The following SAMMSON variants were observed in gnomAD, a reference collection of about 807,000 sequenced individuals.
SAMMSON encodes the protein long intergenic non-protein coding RNA 1212.
intron 4 of SAMMSON, among the ~76,000 whole-genome samples, chr3:70,184,451 T>G (rs1701077051): frequency 2.0e-5 from 3 of 152,196 alleles, no homozygotes. Context: ...ATATTATCAC[T>G]TAGGTAAAGA....
intron 3 of SAMMSON, among the ~76,000 whole-genome samples, chr3:70,045,028 T>C (rs1328152238): frequency 1.6e-5 from 2 of 128,118 alleles, no homozygotes; most frequent in Non-Finnish European, 3.2e-5. Flanking sequence ...TTAATTATAA[T>C]ATATATTATA....
At chr3:70,103,130 C>A (rs554050820) in intron 4 of SAMMSON, among the ~76,000 whole-genome samples, 2 of 152,270 alleles carry the variant, frequency 1.3e-5, no homozygotes, top group East Asian at 3.9e-4. Flanking sequence ...CACTAAGCTT[C>A]AACAAATTGG....
intron 4 of SAMMSON, among the ~76,000 whole-genome samples, chr3:70,227,098 T>G (rs1701515133): frequency 6.6e-6 from 1 of 152,148 alleles, no homozygotes; most frequent in Non-Finnish European, 1.5e-5. Flanking sequence ...ACAAATTATA[T>G]CCAAGTTCCC....
At chr3:70,107,170 A>T (rs1307373337) in intron 4 of SAMMSON, among the ~76,000 whole-genome samples, 1 of 152,198 alleles carries the variant, frequency 6.6e-6, no homozygotes, top group Non-Finnish European at 1.5e-5. Flanking sequence ...CACCCAAATT[A>T]AATGTTATTT....
rs926881146 is a variant in SAMMSON at position 70,030,966 on chromosome 3, G to A, written n.417+17294G>A. Reference sequence around the variant, plus strand: ...GCTGGTGAGGCGTAAAATTGTACAGGTGCTGTGAAAAACAGTTCAGCAATT... The same window carrying A: ...GCTGGTGAGGCGTAAAATTGTACAGATGCTGTGAAAAACAGTTCAGCAATT... On this transcript the variant is annotated intron_variant and non_coding_transcript_variant, in intron 3 of 9. Coordinates refer to ENST00000642114, the Ensembl canonical transcript of SAMMSON. Among the ~76,000 whole-genome samples the A allele has an allele frequency of 2.6e-5, 4 of 152,112 alleles. 1 individual carries two copies. Among genetic ancestry groups the A allele is most frequent in the Admixed American group, 2.6e-4 (4 of 15,270 alleles).
At chr3:70,233,847 G>A (rs1023827000) in intron 4 of SAMMSON, among the ~76,000 whole-genome samples, 20 of 152,210 alleles carry the variant, frequency 1.3e-4, no homozygotes, top group African/African-American at 4.6e-4. Context: ...GTAATATTTA[G>A]TTGCATGAAT....
chr3:70,231,338 G>A (rs1287803409), intron 4 of SAMMSON, among the ~76,000 whole-genome samples: 1 of 152,188 alleles, frequency 6.6e-6, no homozygotes, highest in Non-Finnish European at 1.5e-5. Flanking sequence ...TAGACAAGCA[G>A]CCCGCCATCT....
exon 1 of SAMMSON, chr3:69,999,854 AC>A (rs2107572764): frequency 6.6e-6 from 1 of 152,460 alleles, no homozygotes; most frequent in Non-Finnish European, 1.5e-5. Flanking sequence ...CAGGCCATTG[AC>A]CAGCGGGACA....
At chr3:70,326,003 A>G (rs1405739760) in intron 7 of SAMMSON, among the ~76,000 whole-genome samples, 2 of 152,180 alleles carry the variant, frequency 1.3e-5, no homozygotes, top group Admixed American at 6.5e-5. Flanking sequence ...TTTGTTTCCT[A>G]GAACCGCTCT....
intron 4 of SAMMSON, among the ~76,000 whole-genome samples, chr3:70,151,098 A>G (rs926632236): frequency 5.6e-4 from 7 of 12,492 alleles, no homozygotes; most frequent in Non-Finnish European, 1.2e-3. Context: ...CAACAGAGAG[A>G]ATTTAATGGA....
chr3:70,299,368 G>A (rs1048643654), intron 7 of SAMMSON, among the ~76,000 whole-genome samples: 2 of 151,906 alleles, frequency 1.3e-5, no homozygotes, highest in African/African-American at 4.8e-5. Context: ...ATGTACAGTG[G>A]CTATCTATGC....
intron 4 of SAMMSON, among the ~76,000 whole-genome samples, chr3:70,160,380 T>C (rs972671089): frequency 1.4e-5 from 2 of 139,384 alleles, no homozygotes; most frequent in African/African-American, 5.1e-5. Flanking sequence ...CCTCCCTTCC[T>C]TCTTTCTTTG....
intron 3 of SAMMSON, among the ~76,000 whole-genome samples, chr3:70,016,507 T>C (rs371370783): frequency 6.6e-6 from 1 of 152,214 alleles, no homozygotes; most frequent in East Asian, 1.9e-4. Flanking sequence ...GATGAGTAGA[T>C]TGCAAAAATT....
At chr3:70,339,440 A>G (rs948482666) in intron 7 of SAMMSON, among the ~76,000 whole-genome samples, 1 of 152,226 alleles carries the variant, frequency 6.6e-6, no homozygotes, top group Non-Finnish European at 1.5e-5. Context: ...GCACAGCAAA[A>G]GAAACTACCA....
At chr3:70,214,755 G>A (rs866787264) in intron 4 of SAMMSON, among the ~76,000 whole-genome samples, 6 of 152,030 alleles carry the variant, frequency 3.9e-5, no homozygotes, top group African/African-American at 1.2e-4. Context: ...TGACTCCTAA[G>A]AGATAGTTGA....
In SAMMSON at chr3:70,065,520, G is replaced by T. The variant is rs557298272; in HGVS notation, n.418-5956G>T. 2.6e-4 allele frequency among the ~76,000 whole-genome samples: 40 copies of T among 151,392 alleles called. 1 individual carries two copies. In the South Asian group the frequency reaches 7.9e-3, roughly 30 times the overall value. ...AAGAAAGAAAAGTGCTTTGTGTTTTGTTTTTTTTAGAAAAAAAAATGTGAG... is the reference window on the plus strand; with the variant it reads ...AAGAAAGAAAAGTGCTTTGTGTTTTTTTTTTTTTAGAAAAAAAAATGTGAG... On this transcript the variant is annotated intron_variant and non_coding_transcript_variant, in intron 3 of 9. Coordinates refer to ENST00000642114, the Ensembl canonical transcript of SAMMSON.
chr3:70,257,673 A>G (rs1701829275), intron 6 of SAMMSON, among the ~76,000 whole-genome samples: 1 of 152,220 alleles, frequency 6.6e-6, no homozygotes, highest in Admixed American at 6.5e-5. Context: ...TACCTAAATT[A>G]ATGGAGATAC....
At chr3:70,097,567 T>C (rs185264975) in intron 4 of SAMMSON, among the ~76,000 whole-genome samples, 7 of 152,358 alleles carry the variant, frequency 4.6e-5, no homozygotes, top group Admixed American at 3.3e-4. Context: ...ATGAATCGTA[T>C]TGGCAGATGT....
At chr3:70,180,806 A>G (rs146767014) in intron 4 of SAMMSON, among the ~76,000 whole-genome samples, 23 of 152,306 alleles carry the variant, frequency 1.5e-4, no homozygotes, top group African/African-American at 5.3e-4. Flanking sequence ...TACAGATTCA[A>G]TTAAGTGCTG....
Sources: allele counts gnomAD v4.1 joint callset (sites outside exome capture counted in the v4.1 genomes callset), GRCh38; gene constraint gnomAD v4.1.1; transcripts MANE v1.5; gene names NCBI Gene and HGNC (gene_info 2026-07-23, HGNC 2026-07-21).